Variants in CLOCK observed in about 807,000 individuals in gnomAD.
CLOCK encodes the protein clock circadian regulator, also known as circadian locomoter output cycles protein kaput.
A neutral mutation model predicts 118.4 loss-of-function variants in CLOCK; 43 were observed. The observed-to-expected ratio is 0.36, with a 90% CI of 0.28 to 0.47. The LOEUF (loss-of-function observed/expected upper bound fraction) is 0.47, where lower values mean the gene tolerates loss of function less well. Ranked by LOEUF, CLOCK falls within the 20% of genes least tolerant of loss-of-function variation. The pLI is 1.00. For synonymous variants in CLOCK, 326 were observed against 339.2 expected, an observed-to-expected ratio of 0.96 and a Z score of 0.43; for missense variants, 846 against 999.9, an observed-to-expected ratio of 0.85 and a Z score of 2.08.
At chr4:55,460,940 T>TTG (rs1319923944) in intron 9 of CLOCK, among the ~76,000 whole-genome samples, 11 of 151,894 alleles carry the variant, frequency 7.2e-5, no homozygotes, top group Admixed American at 5.9e-4. Flanking sequence ...TTTTTTTTTT[T>TTG]TGAGACAAAG....
intron 21 of CLOCK, 121 bp from the exon 22 acceptor site, chr4:55,438,658 G>T: frequency 7.0e-7 from 1 of 1,435,060 alleles, no homozygotes; most frequent in Non-Finnish European, 9.6e-7. Flanking sequence ...TGTTTTTCAA[G>T]GTCTGTATAT....
chr4:55,513,872 G>C (rs1729317967), intron 1 of CLOCK, among the ~76,000 whole-genome samples: 1 of 151,814 alleles, frequency 6.6e-6, no homozygotes, highest in African/African-American at 2.4e-5. Context: ...TATTTATTTT[G>C]GGAGATATTA....
At chr4:55,537,872 A>G (rs1283848907) in intron 1 of CLOCK, among the ~76,000 whole-genome samples, 2 of 152,192 alleles carry the variant, frequency 1.3e-5, no homozygotes, top group Non-Finnish European at 2.9e-5. Context: ...TCACAAATCA[A>G]TGACCTCAGC....
intron 2 of CLOCK, among the ~76,000 whole-genome samples, chr4:55,499,550 T>C (rs779596799): frequency 6.6e-6 from 1 of 152,254 alleles, no homozygotes; most frequent in Non-Finnish European, 1.5e-5. Flanking sequence ...CACGCTCCTA[T>C]GAGAATCTAA....
intron 1 of CLOCK, chr4:55,545,802 T>G (rs1731578249): frequency 6.6e-6 from 1 of 152,262 alleles, no homozygotes; most frequent in Non-Finnish European, 1.5e-5. Flanking sequence ...AAACCCAGCT[T>G]CACTGGCGGA....
Position 55,434,610 on chromosome 4 carries a change from C to T in CLOCK, c.*805G>A, listed in dbSNP as rs1189953098. ...TTAACCTGAAAAAAAAAATCCATTC[C>T]CAGCAGCACATCATACCTCACTGAA... On this transcript the variant is annotated 3_prime_UTR_variant, in exon 23 of 23. Coordinates refer to ENST00000513440, the MANE Select transcript of CLOCK (RefSeq NM_004898.4). 6.6e-6 allele frequency: 1 copy of T among 152,440 alleles called. No individual in the cohort carries two copies. Among genetic ancestry groups the T allele is most frequent in the Non-Finnish European group, 1.5e-5 (1 of 68,010 alleles). 9.4% of individuals were successfully genotyped at this position (152,440 alleles called of 1,614,324 possible).
chr4:55,534,591 A>G (rs937661933), intron 1 of CLOCK, among the ~76,000 whole-genome samples: 3 of 152,188 alleles, frequency 2.0e-5, no homozygotes, highest in Non-Finnish European at 4.4e-5. Flanking sequence ...TCCATCTAGC[A>G]TATATTTAAC....
At chr4:55,523,887 G>A (rs1730002405) in intron 1 of CLOCK, among the ~76,000 whole-genome samples, 1 of 152,004 alleles carries the variant, frequency 6.6e-6, no homozygotes, top group Non-Finnish European at 1.5e-5. Context: ...CTCCAAAACT[G>A]TAAAACATTC....
chr4:55,523,673 T>C (rs1729984366), intron 1 of CLOCK, among the ~76,000 whole-genome samples: 1 of 152,166 alleles, frequency 6.6e-6, no homozygotes, highest in African/African-American at 2.4e-5. Flanking sequence ...TATACATCTC[T>C]AATACCTCTC....
intron 1 of CLOCK, among the ~76,000 whole-genome samples, chr4:55,510,544 T>C (rs1281768400): frequency 6.6e-6 from 1 of 150,798 alleles, no homozygotes; most frequent in African/African-American, 2.4e-5. Context: ...GGAGAATAGC[T>C]TTAACTCGGG....
chr4:55,442,275 G>T, intron 21 of CLOCK, 157 bp downstream of exon 21: 1 of 698,632 alleles, frequency 1.4e-6, no homozygotes, highest in South Asian at 1.9e-5. Context: ...TTTAAACAAT[G>T]AATACATTCA....
chr4:55,482,039 A>AATTATGATATGAGATGC (rs1169145276), intron 4 of CLOCK, among the ~76,000 whole-genome samples: 1 of 152,224 alleles, frequency 6.6e-6, no homozygotes, highest in Non-Finnish European at 1.5e-5. Flanking sequence ...AGTGCTACCA[A>AATTATGATATGAGATGC]TTAAATTATG....
intron 2 of CLOCK, among the ~76,000 whole-genome samples, chr4:55,495,883 CT>C (rs34674013): frequency 0.34 from 51,224 of 151,718 alleles, 9,349 homozygotes; most frequent in East Asian, 0.58. Flanking sequence ...AAAACACAAA[CT>C]TTTTTTAAAA....
In CLOCK at chr4:55,434,436, T is replaced by C. The variant is rs1722729046; in HGVS notation, c.*979A>G. ...TTGTTGAAAACCATTTACGCAAATA[T>C]TTCCAACTATGAACTATAACAAAAT... On this transcript the variant is annotated 3_prime_UTR_variant, in exon 23 of 23. Coordinates refer to ENST00000513440, the MANE Select transcript of CLOCK (RefSeq NM_004898.4). 1 of 152,604 alleles carries C rather than the reference T, an allele frequency of 6.6e-6. No homozygotes were observed. The highest frequency in any genetic ancestry group is 1.5e-5 in the Non-Finnish European group (1 of 68,036). 9.5% of individuals were successfully genotyped at this position (152,604 alleles called of 1,614,324 possible).
chr4:55,492,357 TA>T (rs369193423), intron 2 of CLOCK, among the ~76,000 whole-genome samples: 9 of 141,792 alleles, frequency 6.3e-5, no homozygotes, highest in African/African-American at 5.1e-5. Flanking sequence ...CTATTCATGA[TA>T]AAAAAAAAAA....
chr4:55,494,871 C>T (rs1033450645), intron 2 of CLOCK, among the ~76,000 whole-genome samples: 2 of 152,182 alleles, frequency 1.3e-5, no homozygotes, highest in African/African-American at 2.4e-5. Context: ...CCGCTGACAC[C>T]TTGGGTTCAG....
chr4:55,483,535 C>CTCCACGTGATAATGTATGACCACT (rs1341041037), intron 3 of CLOCK, among the ~76,000 whole-genome samples: 23 of 152,246 alleles, frequency 1.5e-4, no homozygotes, highest in Non-Finnish European at 3.2e-4. Context: ...TTCACAAGGG[C>CTCCACGTGATAATGTATGACCACT]TCCACGTGAT....
chr4:55,495,669 A>G (rs750541539), intron 2 of CLOCK, among the ~76,000 whole-genome samples: 26 of 152,110 alleles, frequency 1.7e-4, no homozygotes, highest in Non-Finnish European at 2.9e-4. Flanking sequence ...ACACAAAATG[A>G]TCCCCCAAAA....
Position 55,463,760 on chromosome 4 carries a change from C to A in CLOCK, c.484G>T (p.Glu162Ter). Reference sequence around the variant, plus strand: ...AGTATTTTATAAACCTCTGAATGTTCCCCTTCTGGGATAAAATTAAATATA... The same window carrying A: ...AGTATTTTATAAACCTCTGAATGTTACCCTTCTGGGATAAAATTAAATATA... ...QSIFNFIPEG[E>*]HSEVYKILST... The change falls in exon 9 of 23, where the codon GAA becomes TAA. Residue 162 changes from glutamate (E) to a stop codon, truncating the protein, a stop_gained. Coordinates refer to ENST00000513440, the MANE Select transcript of CLOCK (RefSeq NM_004898.4). LOFTEE classifies it high-confidence loss of function. The A allele has an allele frequency of 6.2e-7, 1 of 1,611,998 alleles. No individual in the cohort carries two copies. The highest frequency in any genetic ancestry group is 8.5e-7 in the Non-Finnish European group (1 of 1,178,564).
Sources: allele counts gnomAD v4.1 joint callset (sites outside exome capture counted in the v4.1 genomes callset), GRCh38; gene constraint gnomAD v4.1.1; transcripts MANE v1.5; gene names NCBI Gene and HGNC (gene_info 2026-07-23, HGNC 2026-07-21).